The following DYNC1LI2 variants were observed in gnomAD, a reference collection of about 807,000 sequenced individuals.
DYNC1LI2 encodes dynein cytoplasmic 1 light intermediate chain 2, also known as cytoplasmic dynein 1 light intermediate chain 2.
A neutral mutation model predicts 57.8 loss-of-function variants in DYNC1LI2; 19 were observed. The observed-to-expected ratio is 0.33, with a 90% CI of 0.23 to 0.48. The LOEUF (loss-of-function observed/expected upper bound fraction) is 0.48. Ranked by LOEUF, DYNC1LI2 falls within the 20% of genes least tolerant of loss-of-function variation. The probability of loss-of-function intolerance (pLI) is 0.99; values close to 1 mark genes in which losing one functional copy is unlikely to be tolerated. For synonymous variants in DYNC1LI2, 256 were observed against 233.4 expected (o/e 1.10, Z -0.88); for missense variants, 470 against 604.2 (o/e 0.78, Z 2.33).
In DYNC1LI2 at chr16:66,736,260, GA is replaced by G. The variant is rs758884988; in HGVS notation, c.530-17del. On this transcript the variant is annotated splice_polypyrimidine_tract_variant and intron_variant, in intron 4 of 12. Coordinates refer to ENST00000258198, the MANE Select transcript of DYNC1LI2 (RefSeq NM_006141.3). ...TCTTTCACAACTGGGGGAAAAAGAG[GA>G]AAAAAAATCACATGCACATAAATAA... 3.1e-6 allele frequency: 5 copies of G among 1,598,846 alleles called. No homozygotes were observed. The highest frequency in any genetic ancestry group is 3.5e-5 in the Admixed American group (2 of 56,738).
At position 66,751,282 on chromosome 16, in the gene DYNC1LI2, G is replaced by C. The variant is rs754765250; in HGVS notation, c.172C>G (p.Leu58Val). The change falls in exon 2 of 13, where the codon CTG becomes GTG. Residue 58 changes from leucine to valine, a missense_variant. Leu to Val is a conservative substitution (Grantham distance 32). Coordinates refer to ENST00000258198, the MANE Select transcript of DYNC1LI2 (RefSeq NM_006141.3). This position sits in a 1 kb window ranked among gnomAD's most constrained non-coding sequence, Gnocchi z 5.2. Reference protein sequence around the residue: ...RSKLPSGKNILVFGEDGSGKT... With the variant: ...RSKLPSGKNIVVFGEDGSGKT... ...CGCCGCCGGCGCTCACCGAAGACCA[G>C]GATGTTCTTGCCGGACGGCAGCTTG... 6.2e-7 allele frequency: 1 copy of C among 1,611,904 alleles called. No individual in the cohort carries two copies. The highest frequency in any genetic ancestry group is 8.5e-7 in the Non-Finnish European group (1 of 1,179,034).
At chr16:66,740,978 A>C (rs2017825857) in intron 4 of DYNC1LI2, among the ~76,000 whole-genome samples, 1 of 152,238 alleles carries the variant, frequency 6.6e-6, no homozygotes, top group East Asian at 1.9e-4. Context: ...TCAATGACTA[A>C]ATCACAAAAT....
At chr16:66,728,394 T>C in intron 9 of DYNC1LI2, 152 bp from the exon 10 acceptor site, 1 of 819,940 alleles carries the variant, frequency 1.2e-6, no homozygotes, top group Non-Finnish European at 1.9e-6. Context: ...AAAATTTTAA[T>C]TGAGCCGTTT....
intron 4 of DYNC1LI2, among the ~76,000 whole-genome samples, chr16:66,741,939 T>C (rs1464401988): frequency 7.1e-6 from 1 of 139,900 alleles, no homozygotes; most frequent in African/African-American, 2.6e-5. Context: ...TATTTCTAAC[T>C]AAAATCGTAT....
chr16:66,747,664 G>T (rs1165705995), intron 3 of DYNC1LI2, among the ~76,000 whole-genome samples: 4 of 151,220 alleles, frequency 2.6e-5, no homozygotes, highest in Non-Finnish European at 5.9e-5. Context: ...CCACCTCCTG[G>T]GTTCAAGTGA....
intron 3 of DYNC1LI2, among the ~76,000 whole-genome samples, chr16:66,743,379 T>C (rs1024810282): frequency 5.3e-5 from 8 of 151,718 alleles, no homozygotes; most frequent in Non-Finnish European, 1.0e-4. Context: ...CTGGCCAGCA[T>C]GGTAAAACCT....
At position 66,723,755 on chromosome 16, in the gene DYNC1LI2, CAT is replaced by C; in HGVS notation, c.1444_1445del (p.Met482GlyfsTer9). On this transcript the variant is annotated frameshift_variant, in exon 13 of 13. Coordinates refer to ENST00000258198, the MANE Select transcript of DYNC1LI2 (RefSeq NM_006141.3). LOFTEE classifies it high-confidence loss of function. ...CATTTTCTGTTGAAGAGTTTGTTACCATAGAGTCTGGCTTTCGAGTCATTCTA... is the reference window on the plus strand; with the variant it reads ...CATTTTCTGTTGAAGAGTTTGTTACCAGAGTCTGGCTTTCGAGTCATTCTA... ...LDRMTRKPDS[M>X]VTNSSTENEA 1 of 1,609,168 alleles carries C rather than the reference CAT, an allele frequency of 6.2e-7. No individual in the cohort carries two copies. Among genetic ancestry groups the C allele is most frequent in the Non-Finnish European group, 8.5e-7 (1 of 1,178,846 alleles).
chr16:66,722,734 T>A lies in DYNC1LI2; in HGVS notation c.*988A>T, dbSNP rs1023427407. 2.0e-5 allele frequency: 3 copies of A among 153,156 alleles called. No individual in the cohort carries two copies. The highest frequency in any genetic ancestry group is 7.2e-5 in the African/African-American group (3 of 41,388). The allele number at this position is 153,156 out of a possible 1,614,324, so 9.5% of individuals were successfully genotyped here. On this transcript the variant is annotated 3_prime_UTR_variant, in exon 13 of 13. Transcript: ENST00000258198. The stretch of plus-strand genomic sequence containing the variant: ...TACGAGCCAATTAACCAGAGTGCAA[T>A]TACATTAAAAACCTCCCCCAAACTT...
chr16:66,722,106 T>C lies in DYNC1LI2; in HGVS notation c.*1616A>G, dbSNP rs1025002659. On this transcript the variant is annotated 3_prime_UTR_variant, in exon 13 of 13. Transcript: ENST00000258198. ...GAAACATTTCTATCAGAAAGGCAAG[T>C]TGATACTCAGCTTTCTCCTTAACAG... is the stretch of plus-strand genomic sequence containing the variant. The C allele has an allele frequency of 6.6e-6, 1 of 152,666 alleles. No individual in the cohort carries two copies. The highest frequency in any genetic ancestry group is 1.5e-5 in the Non-Finnish European group (1 of 68,040). 9.5% of individuals were successfully genotyped at this position (152,666 alleles called of 1,614,324 possible).
At chr16:66,740,113 A>C (rs1479347356) in intron 4 of DYNC1LI2, among the ~76,000 whole-genome samples, 4 of 152,214 alleles carry the variant, frequency 2.6e-5, no homozygotes, top group African/African-American at 9.6e-5. Flanking sequence ...AGAGAAGACT[A>C]AAGTACAAAA....
chr16:66,749,247 C>T lies in DYNC1LI2; in HGVS notation c.248G>A (p.Gly83Glu). The change falls in exon 3 of 13, where the codon GGA becomes GAA. Residue 83 changes from glycine (G) to glutamate (E), a missense_variant. Coordinates refer to ENST00000258198, the MANE Select transcript of DYNC1LI2 (RefSeq NM_006141.3). ...KLQGAEHGKK[G>E]RGLEYLYLSV... ...GAGGTAGAGATATTCTAGGCCTCTTCCTTTTTTGCCATGCTCAGCTCCTTG... is the reference window on the plus strand; with the variant it reads ...GAGGTAGAGATATTCTAGGCCTCTTTCTTTTTTGCCATGCTCAGCTCCTTG... The T allele has an allele frequency of 6.2e-7, 1 of 1,614,220 alleles. No individual in the cohort carries two copies. Among genetic ancestry groups the T allele is most frequent in the Non-Finnish European group, 8.5e-7 (1 of 1,180,046 alleles).
rs762862513 is a variant in DYNC1LI2, at chr16:66,751,419, T to C, written c.107+66A>G. On this transcript the variant is annotated intron_variant, in intron 1 of 12. Transcript: ENST00000258198. This position sits in a 1 kb window ranked among gnomAD's most constrained non-coding sequence, Gnocchi z 5.2. ...GGCCCGGCTCGCGTCGGCCCCTCAGTGTGTCCGACGGTCCGGCCCAGAGGC... is the reference window on the plus strand; with the variant it reads ...GGCCCGGCTCGCGTCGGCCCCTCAGCGTGTCCGACGGTCCGGCCCAGAGGC... 11 of 1,589,848 alleles carry C rather than the reference T, an allele frequency of 6.9e-6. No individual in the cohort carries two copies. In the Admixed American group the frequency reaches 1.7e-4, roughly 25 times the overall value.
At position 66,721,793 on chromosome 16, in the gene DYNC1LI2, A is replaced by G. The variant is rs1407100337; in HGVS notation, c.*1929T>C. ...AAATAAAGACAAATTAAAATTTTGC[A>G]TTAAAATTTAAAATTATACCATATT... On this transcript the variant is annotated 3_prime_UTR_variant, in exon 13 of 13. Coordinates refer to ENST00000258198, the MANE Select transcript of DYNC1LI2 (RefSeq NM_006141.3). The G allele has an allele frequency of 6.6e-6, 1 of 152,670 alleles. No individual in the cohort carries two copies. Among genetic ancestry groups the G allele is most frequent in the Non-Finnish European group, 1.5e-5 (1 of 68,052 alleles). The allele number at this position is 152,670 out of a possible 1,614,324, so 9.5% of individuals were successfully genotyped here. A position where few individuals can be genotyped will look rare whatever the true frequency, so the allele number is the denominator to read the frequency against.
chr16:66,725,391 G>C (rs1402962228), intron 12 of DYNC1LI2, among the ~76,000 whole-genome samples: 6 of 151,944 alleles, frequency 3.9e-5, no homozygotes, highest in African/African-American at 7.3e-5. Context: ...TGAGACAGGA[G>C]AATCGCTTGA....
chr16:66,750,531 G>A (rs985618570), intron 2 of DYNC1LI2, among the ~76,000 whole-genome samples: 2 of 152,100 alleles, frequency 1.3e-5, no homozygotes, highest in African/African-American at 4.8e-5. Flanking sequence ...CTCAACCCCC[G>A]AATCATCCTC....
In DYNC1LI2 at chr16:66,730,166, G is replaced by A. The variant is rs34706526; in HGVS notation, c.987C>T (p.Thr329=). The change falls in exon 8 of 13, where the codon ACC becomes ACT. Residue 329 remains threonine, a synonymous_variant. Transcript: ENST00000258198. ...KIAILHENFT[T]VKPEDAYEDF... Reference sequence around the variant, plus strand: ...CTTCATATGCATCTTCCGGCTTCACGGTTGTAAAATTTTCATGTAAAATAG... The same window carrying A: ...CTTCATATGCATCTTCCGGCTTCACAGTTGTAAAATTTTCATGTAAAATAG... The A allele has an allele frequency of 5.0e-5, 81 of 1,613,802 alleles. No individual in the cohort carries two copies. The highest frequency in any genetic ancestry group is 6.5e-5 in the Non-Finnish European group (77 of 1,179,974).
intron 7 of DYNC1LI2, 67 bp downstream of exon 7, chr16:66,732,272 G>T: frequency 1.3e-6 from 2 of 1,573,046 alleles, no homozygotes; most frequent in East Asian, 2.3e-5. Flanking sequence ...CCTTGAAGGG[G>T]TAAAATGTAA....
intron 4 of DYNC1LI2, among the ~76,000 whole-genome samples, chr16:66,737,089 A>G (rs1298637503): frequency 6.6e-6 from 1 of 152,156 alleles, no homozygotes; most frequent in Non-Finnish European, 1.5e-5. Context: ...CCTGGCCAAC[A>G]TGGCAAAACC....
intron 11 of DYNC1LI2, among the ~76,000 whole-genome samples, chr16:66,726,498 A>C (rs1042075483): frequency 2.0e-5 from 3 of 152,250 alleles, no homozygotes; most frequent in Non-Finnish European, 4.4e-5. Flanking sequence ...TACACATTTT[A>C]AAGTGACTCC....
Sources: allele counts gnomAD v4.1 joint callset (sites outside exome capture counted in the v4.1 genomes callset), GRCh38; gene constraint gnomAD v4.1.1; non-coding constraint Gnocchi (gnomAD v3.1); transcripts MANE v1.5; gene names NCBI Gene and HGNC (gene_info 2026-07-23, HGNC 2026-07-21).